CIB4: variants seen among roughly 807,000 people sequenced by gnomAD.
CIB4 encodes the protein calcium and integrin-binding family member 4.
A neutral mutation model predicts 25.8 loss-of-function variants in CIB4; 25 were observed. That is an observed-to-expected ratio of 0.97 (90% CI 0.71 to 1.35). The LOEUF is 1.35. Among genes scored for constraint, CIB4 ranks in the 40% most tolerant of loss-of-function variants. The pLI is 0.00. For missense variants in CIB4, 235 were observed against 228.2 expected (o/e 1.03, Z -0.19); for synonymous variants, 75 against 81.4 (o/e 0.92, Z 0.42).
chr2:26,594,536 TA>T (rs1668643528), intron 4 of CIB4, among the ~76,000 whole-genome samples: 1 of 152,184 alleles, frequency 6.6e-6, no homozygotes, highest in African/African-American at 2.4e-5. Context: ...GCCAAAAAGT[TA>T]TCAGGATGCA....
rs1558561094 is a variant in CIB4 at position 26,601,234 on chromosome 2, ATATAT to A, written c.187-5922_187-5918del. Among the ~76,000 whole-genome samples, 67 of 8,814 alleles carry A rather than the reference ATATAT, an allele frequency of 7.6e-3. 3 individuals are homozygous for A. Among genetic ancestry groups the A allele is most frequent in the African/African-American group, 0.01 (51 of 4,880 alleles). The allele number at this position is 8,814 out of a possible 152,430, so 5.8% of individuals were successfully genotyped here. A position where few individuals can be genotyped will look rare whatever the true frequency, so the allele number is the denominator to read the frequency against. ...GACCATGTCAAAAAAAAAAAAAAAT[ATATAT>A]ATATATATATATATATATATATATA... is the stretch of plus-strand genomic sequence containing the variant. On this transcript the variant is annotated intron_variant, in intron 3 of 6. Transcript: ENST00000288861.
intron 4 of CIB4, 21 bp from the exon 5 acceptor site, chr2:26,583,919 C>T (rs1186593219): frequency 1.3e-6 from 2 of 1,482,622 alleles, no homozygotes; most frequent in African/African-American, 1.4e-5. Flanking sequence ...GAGGCCAGGC[C>T]TGCATTAGAC....
chr2:26,583,686 T>C lies in CIB4; in HGVS notation c.438+103A>G, dbSNP rs1668394772. 4 of 764,934 alleles carry C rather than the reference T, an allele frequency of 5.2e-6. No individual in the cohort carries two copies. The South Asian group carries it at 6.0e-5, about 11-fold the overall frequency. 47.4% of individuals were successfully genotyped at this position (764,934 alleles called of 1,614,324 possible). On this transcript the variant is annotated intron_variant, in intron 5 of 6. Transcript: ENST00000288861. ...TGTGTCATCTGCCTCAGGCTGGCCC[T>C]GGGTCTCCTCCCAAGAGGGTGGCCT...
At chr2:26,595,893 G>GTGCA (rs1491209975) in intron 3 of CIB4, among the ~76,000 whole-genome samples, 3 of 25,604 alleles carry the variant, frequency 1.2e-4, no homozygotes, top group African/African-American at 2.5e-4. Flanking sequence ...TGACTTATCT[G>GTGCA]CGCGCACACA....
intron 3 of CIB4, among the ~76,000 whole-genome samples, chr2:26,617,145 T>TGTGTGTGTGTGCGC (rs1381689008): frequency 7.2e-6 from 1 of 139,026 alleles, no homozygotes; most frequent in African/African-American, 2.6e-5. Context: ...TGTGTGTGTG[T>TGTGTGTGTGTGCGC]GTGCACGTGA....
In CIB4 at chr2:26,583,844, C is replaced by A. The variant is rs149619875; in HGVS notation, c.383G>T (p.Arg128Leu). ...AGACATGTCATCACTGTTCAGCAGTCGCAGGATGATCCTCTGCAGATCCTC... is the reference window on the plus strand; with the variant it reads ...AGACATGTCATCACTGTTCAGCAGTAGCAGGATGATCCTCTGCAGATCCTC... Reference protein sequence around the residue: ...DEEDLQRIILRLLNSDDMSED... With the variant: ...DEEDLQRIILLLLNSDDMSED... Residue 128 changes from arginine to leucine, a missense_variant, in exon 5 of 7, where the codon CGA becomes CTA. Arg to Leu is a moderately radical substitution (Grantham distance 102). Transcript: ENST00000288861. 2.0e-4 allele frequency: 329 copies of A among 1,613,502 alleles called. 2 individuals carry two copies. The African/African-American group carries it at 4.0e-3, about 19-fold the overall frequency.
intron 5 of CIB4, among the ~76,000 whole-genome samples, chr2:26,583,513 C>T (rs1377801993): frequency 6.6e-6 from 1 of 152,062 alleles, no homozygotes; most frequent in Middle Eastern, 3.2e-3. Context: ...GTGGGTCGGG[C>T]TCCGTGTTCT....
rs78574513 is a variant in CIB4, at chr2:26,583,006, G to A, written c.439-93C>T. The A allele has an allele frequency of 1.7e-3, 1,370 of 794,794 alleles. 18 individuals carry two copies. In the African/African-American group the frequency reaches 0.021, roughly 12 times the overall value. 49.2% of individuals were successfully genotyped at this position (794,794 alleles called of 1,614,324 possible). On this transcript the variant is annotated intron_variant, in intron 5 of 6. Transcript: ENST00000288861. ...GGAGGGGGAAAGCCACATGCCAGGG[G>A]CTCTCCCACATGCTTAACACTTGTC...
chr2:26,629,645 T>C, intron 2 of CIB4, 139 bp from the exon 3 acceptor site: 1 of 646,986 alleles, frequency 1.5e-6, no homozygotes, highest in Non-Finnish European at 2.8e-6. Flanking sequence ...TGGGGTTGGC[T>C]GACACAGAAA....
chr2:26,629,383 T>C, intron 3 of CIB4, 27 bp downstream of exon 3: 1 of 1,361,500 alleles, frequency 7.3e-7, no homozygotes, highest in South Asian at 1.2e-5. Flanking sequence ...GATGCTGCCC[T>C]TGCCCCACCC....
chr2:26,608,615 C>T (rs1160794519), intron 3 of CIB4, among the ~76,000 whole-genome samples: 1 of 152,162 alleles, frequency 6.6e-6, no homozygotes, highest in Non-Finnish European at 1.5e-5. Flanking sequence ...CCCAGGCTGC[C>T]CCATCCTTGC....
At chr2:26,591,079 G>A (rs1428993432) in intron 4 of CIB4, among the ~76,000 whole-genome samples, 1 of 152,218 alleles carries the variant, frequency 6.6e-6, no homozygotes, top group African/African-American at 2.4e-5. Flanking sequence ...GTTTAGCTCA[G>A]GAAACCATGG....
At position 26,629,526 on chromosome 2, in the gene CIB4, G is replaced by A; in HGVS notation, c.90-20C>T. The A allele has an allele frequency of 7.9e-6, 12 of 1,515,822 alleles. No individual in the cohort carries two copies. The highest frequency in any genetic ancestry group is 1.1e-5 in the Non-Finnish European group (12 of 1,111,876). 93.9% of individuals were successfully genotyped at this position (1,515,822 alleles called of 1,614,324 possible). ...TGGATGCTGAAAAGAGAGGCATGAA[G>A]ACCGTGTGGCCGGGGAAAGGAGGCC... On this transcript the variant is annotated intron_variant, in intron 2 of 6. Transcript: ENST00000288861.
chr2:26,630,919 G>A (rs753521589), intron 2 of CIB4, among the ~76,000 whole-genome samples: 2 of 152,074 alleles, frequency 1.3e-5, no homozygotes, highest in African/African-American at 4.8e-5. Flanking sequence ...GACTGTGAGA[G>A]TGGGAGCCCA....
chr2:26,617,741 G>T (rs1273975404), intron 3 of CIB4, among the ~76,000 whole-genome samples: 1 of 152,036 alleles, frequency 6.6e-6, no homozygotes, highest in Non-Finnish European at 1.5e-5. Flanking sequence ...GATGATCAAA[G>T]AGCCCCCTGC....
In CIB4 at chr2:26,589,033, T is replaced by TTCC. The variant is rs1668516487; in HGVS notation, c.329-5136_329-5135insGGA. On this transcript the variant is annotated intron_variant, in intron 4 of 6. Coordinates refer to ENST00000288861, the MANE Select transcript of CIB4 (RefSeq NM_001029881.3). ...CTTCTTCTTCTTCTTCTTCTTCTTC[T>TTCC]TCTTCTTCTTCTTCTTCTTCTTCTT... Among the ~76,000 whole-genome samples, 3 of 40,488 alleles carry TTCC rather than the reference T, an allele frequency of 7.4e-5. 1 individual carries two copies. Among genetic ancestry groups the TTCC allele is most frequent in the African/African-American group, 3.1e-4 (3 of 9,550 alleles). The allele number at this position is 40,488 out of a possible 152,430, so 26.6% of individuals were successfully genotyped here.
At chr2:26,594,126 A>T (rs1349951934) in intron 4 of CIB4, among the ~76,000 whole-genome samples, 1 of 152,180 alleles carries the variant, frequency 6.6e-6, no homozygotes, top group Non-Finnish European at 1.5e-5. Context: ...CAGGCATCAG[A>T]TCTCTCTAGA....
At position 26,594,973 on chromosome 2, in the gene CIB4, C is replaced by T. The variant is rs540118939; in HGVS notation, c.328+203G>A. Among the ~76,000 whole-genome samples the T allele has an allele frequency of 1.8e-4, 27 of 152,176 alleles. No homozygotes were observed. The South Asian group carries it at 3.7e-3, about 21-fold the overall frequency. ...TGACCCCATTGCCCTCTGATGACACCGAGGGGAGTCTGTCCATTGATGCTG... is the reference window on the plus strand; with the variant it reads ...TGACCCCATTGCCCTCTGATGACACTGAGGGGAGTCTGTCCATTGATGCTG... On this transcript the variant is annotated intron_variant, in intron 4 of 6. Transcript: ENST00000288861.
chr2:26,594,967 T>A (rs1281097708), intron 4 of CIB4, among the ~76,000 whole-genome samples: 1 of 152,154 alleles, frequency 6.6e-6, no homozygotes, highest in Non-Finnish European at 1.5e-5. Context: ...TGCCCTCTGA[T>A]GACACCGAGG....
Sources: gnomAD v4.1 joint callset for allele counts (sites outside exome capture counted in the v4.1 genomes callset) on GRCh38, gnomAD v4.1.1 for gene constraint, MANE v1.5 for transcripts, NCBI Gene and HGNC (gene_info 2026-07-23, HGNC 2026-07-21) for gene names.